DLG1: variants seen among roughly 807,000 people sequenced by gnomAD.
DLG1 encodes disks large homolog 1.
DLG1 carries 42 observed loss-of-function variants against 123.4 expected under a neutral mutation model. That is an observed-to-expected ratio of 0.34 (90% CI 0.27 to 0.44). The LOEUF is 0.44. Ranked by LOEUF, DLG1 falls within the 20% of genes least tolerant of loss-of-function variation. The pLI is 1.00. For missense variants in DLG1, 942 were observed against 1,082.6 expected (o/e 0.87, Z 1.82); for synonymous variants, 317 against 356.2 (o/e 0.89, Z 1.24).
intron 5 of DLG1, among the ~76,000 whole-genome samples, chr3:197,156,858 C>CA (rs1796619759): frequency 2.0e-5 from 3 of 152,110 alleles, no homozygotes. Flanking sequence ...CTGGAGACTT[C>CA]AATACCACAT....
At chr3:197,079,149 A>G (rs1749247617) in intron 17 of DLG1, among the ~76,000 whole-genome samples, 1 of 152,210 alleles carries the variant, frequency 6.6e-6, no homozygotes, top group South Asian at 2.1e-4. Context: ...TTCAATCAGA[A>G]GTACTACATT....
intron 4 of DLG1, among the ~76,000 whole-genome samples, chr3:197,222,885 G>A (rs560579382): frequency 2.0e-5 from 3 of 152,214 alleles, no homozygotes; most frequent in South Asian, 2.1e-4. Flanking sequence ...GTTAGTAAAG[G>A]CAAGAACTTT....
chr3:197,082,653 TAAGA>T (rs984754439), intron 16 of DLG1, among the ~76,000 whole-genome samples: 28 of 152,226 alleles, frequency 1.8e-4, no homozygotes, highest in Non-Finnish European at 4.4e-5. Context: ...AGAAGAGGTC[TAAGA>T]AAGAGATAGT....
intron 4 of DLG1, among the ~76,000 whole-genome samples, chr3:197,251,828 CAAAT>C (rs1180361217): frequency 6.6e-6 from 1 of 152,062 alleles, no homozygotes; most frequent in Non-Finnish European, 1.5e-5. Context: ...AGCAAAAAAA[CAAAT>C]AATCATATTT....
intron 11 of DLG1, among the ~76,000 whole-genome samples, chr3:197,123,282 TA>T (rs1217357348): frequency 6.6e-6 from 1 of 152,050 alleles, no homozygotes; most frequent in Non-Finnish European, 1.5e-5. Context: ...GATAAGGAAT[TA>T]AAAAATTTTA....
chr3:197,055,220 G>A (rs975360392), intron 23 of DLG1, among the ~76,000 whole-genome samples: 1 of 152,190 alleles, frequency 6.6e-6, no homozygotes, highest in African/African-American at 2.4e-5. Flanking sequence ...CTAAGTGCCA[G>A]GATTATAGGC....
rs116097957 is a variant in DLG1 at position 197,153,169 on chromosome 3, T to C, written c.484-3373A>G. 8.5e-3 allele frequency among the ~76,000 whole-genome samples: 1,297 copies of C among 152,282 alleles called. 19 individuals are homozygous for C. Among genetic ancestry groups the C allele is most frequent in the African/African-American group, 0.03 (1,228 of 41,558 alleles). On this transcript the variant is annotated intron_variant, in intron 5 of 24. Coordinates refer to ENST00000667157, the MANE Select transcript of DLG1 (RefSeq NM_001366207.1). The stretch of plus-strand genomic sequence containing the variant: ...TTCTTAGATCCTAATTTGAGACACA[T>C]TGCATTCAAAGTTAAATGCTATGAC...
Position 197,140,276 on chromosome 3 carries a change from A to C in DLG1, c.589-12T>G, listed in dbSNP as rs771831511. 8 of 1,610,274 alleles carry C rather than the reference A, an allele frequency of 5.0e-6. No individual in the cohort carries two copies. The highest frequency in any genetic ancestry group is 6.8e-6 in the Non-Finnish European group (8 of 1,178,612). On this transcript the variant is annotated splice_polypyrimidine_tract_variant and intron_variant, in intron 7 of 24. Coordinates refer to ENST00000667157, the MANE Select transcript of DLG1 (RefSeq NM_001366207.1). ...AGCCCTGAATTTCCCTGAGGATAGAAGAAAAAAAATTGAGACTGAATATGA... is the reference window on the plus strand; with the variant it reads ...AGCCCTGAATTTCCCTGAGGATAGACGAAAAAAAATTGAGACTGAATATGA...
At chr3:197,107,237 T>G (rs1766996581) in intron 13 of DLG1, among the ~76,000 whole-genome samples, 1 of 152,186 alleles carries the variant, frequency 6.6e-6, no homozygotes, top group Admixed American at 6.5e-5. Context: ...AATGCGCCAC[T>G]AAAATCCATT....
intron 14 of DLG1, among the ~76,000 whole-genome samples, chr3:197,094,177 A>G (rs778653312): frequency 3.3e-5 from 5 of 152,206 alleles, no homozygotes; most frequent in African/African-American, 4.8e-5. Context: ...TTTGCCACCT[A>G]AGTCCCACTA....
rs1427224354 is a variant in DLG1 at position 197,043,033 on chromosome 3, G to A, written c.*1590C>T. 6.6e-6 allele frequency: 1 copy of A among 152,158 alleles called. No individual in the cohort carries two copies. The highest frequency in any genetic ancestry group is 1.9e-4 in the East Asian group (1 of 5,204). 9.4% of individuals were successfully genotyped at this position (152,158 alleles called of 1,614,324 possible). A position where few individuals can be genotyped will look rare whatever the true frequency, so the allele number is the denominator to read the frequency against. On this transcript the variant is annotated 3_prime_UTR_variant, in exon 25 of 25. Transcript: ENST00000667157. ...AGTACTCATTTAAGAAACTAATGAG[G>A]AGGTTGTCAAAAACACATATTTAAT...
At position 197,183,523 on chromosome 3, in the gene DLG1, G is replaced by A. The variant is rs1361195124; in HGVS notation, c.483+10902C>T. 3 of 1,477,104 alleles carry A rather than the reference G, an allele frequency of 2.0e-6. No homozygotes were observed. The African/African-American group carries it at 4.2e-5, about 21-fold the overall frequency. 91.5% of individuals were successfully genotyped at this position (1,477,104 alleles called of 1,614,324 possible). A position where few individuals can be genotyped will look rare whatever the true frequency, so the allele number is the denominator to read the frequency against. Reference sequence around the variant, plus strand: ...ATCTATATTAAGACATTTTTACAGAGCAAACGTAAACAGAAATAGATTGAA... The same window carrying A: ...ATCTATATTAAGACATTTTTACAGAACAAACGTAAACAGAAATAGATTGAA... On this transcript the variant is annotated intron_variant, in intron 5 of 24. Coordinates refer to ENST00000667157, the MANE Select transcript of DLG1 (RefSeq NM_001366207.1).
At chr3:197,051,711 T>C (rs1332792547) in intron 23 of DLG1, 43 bp from the exon 24 acceptor site, 1 of 1,454,980 alleles carries the variant, frequency 6.9e-7, no homozygotes, top group African/African-American at 1.4e-5. Context: ...CAAATTATAA[T>C]ACTTTTAAAA....
chr3:197,057,752 G>C (rs1350088199), intron 23 of DLG1, among the ~76,000 whole-genome samples: 1 of 152,038 alleles, frequency 6.6e-6, no homozygotes, highest in East Asian at 1.9e-4. Context: ...TGCCTCTGTT[G>C]ATCTCTTTGG....
intron 4 of DLG1, among the ~76,000 whole-genome samples, chr3:197,222,483 G>C (rs577912772): frequency 6.6e-6 from 1 of 152,272 alleles, no homozygotes; most frequent in South Asian, 2.1e-4. Flanking sequence ...TTCACCCAGG[G>C]AGAAGTGGGG....
chr3:197,061,049 C>T (rs1269154669), intron 22 of DLG1, among the ~76,000 whole-genome samples: 4 of 152,180 alleles, frequency 2.6e-5, no homozygotes, highest in African/African-American at 9.7e-5. Flanking sequence ...AGTGATCCAC[C>T]CACCTTGGCC....
chr3:197,189,247 G>A (rs1487901100), intron 5 of DLG1, among the ~76,000 whole-genome samples: 1 of 152,126 alleles, frequency 6.6e-6, no homozygotes, highest in African/African-American at 2.4e-5. Context: ...AGAGATAACA[G>A]ATATCTGAGA....
At chr3:197,285,014 T>C (rs1771140140) in intron 3 of DLG1, among the ~76,000 whole-genome samples, 1 of 143,504 alleles carries the variant, frequency 7.0e-6, no homozygotes, top group Admixed American at 7.2e-5. Context: ...GAGGCCAGAA[T>C]CATTCTTATC....
At chr3:197,226,264 C>T (rs924129656) in intron 4 of DLG1, 1 of 152,200 alleles carries the variant, frequency 6.6e-6, no homozygotes, top group Admixed American at 6.5e-5. Flanking sequence ...CAGGGCCTTG[C>T]TAATATCCTT....
Sources: allele counts gnomAD v4.1 joint callset (sites outside exome capture counted in the v4.1 genomes callset), GRCh38; gene constraint gnomAD v4.1.1; transcripts MANE v1.5; gene names NCBI Gene and HGNC (gene_info 2026-07-23, HGNC 2026-07-21).